Variants in LGMN observed in about 807,000 individuals in gnomAD.
LGMN encodes the protein asparaginyl endopeptidase.
Under a neutral mutation model 56.8 loss-of-function variants are expected in LGMN, and 36 were observed. The observed-to-expected ratio is 0.63, with a 90% confidence interval of 0.49 to 0.84. The LOEUF (loss-of-function observed/expected upper bound fraction) is 0.84, where lower values mean the gene tolerates loss of function less well. Ranked by LOEUF, LGMN falls within the 40% of genes least tolerant of loss-of-function variation. The pLI is 0.00. For missense variants in LGMN, 446 were observed against 556.1 expected (o/e 0.80, Z 1.99); for synonymous variants, 199 against 210.1 (o/e 0.95, Z 0.46).
chr14:92,710,793 C>T (rs1889724814), intron 10 of LGMN, among the ~76,000 whole-genome samples: 1 of 152,216 alleles, frequency 6.6e-6, no homozygotes, highest in African/African-American at 2.4e-5. Context: ...TCCGTGTCAC[C>T]TTTCCCTGGC....
intron 2 of LGMN, among the ~76,000 whole-genome samples, chr14:92,719,157 T>TGCCACCACC (rs1566923605): frequency 2.5e-5 from 1 of 39,700 alleles, no homozygotes; most frequent in Non-Finnish European, 6.2e-5. Context: ...CCACCGCCAC[T>TGCCACCACC]GCCACCACCA....
intron 12 of LGMN, 149 bp from the exon 13 acceptor site, chr14:92,704,856 G>A: frequency 3.0e-6 from 2 of 665,736 alleles, no homozygotes; most frequent in Non-Finnish European, 5.6e-6. Flanking sequence ...AGATAATCTG[G>A]TGATATTTAT....
rs1404889629 is a variant in LGMN at position 92,706,513 on chromosome 14, C to G, written c.1161G>C (p.Arg387=). ...GGGAGTGCCAGTTGAAGCAGTGGGT[C>G]CGGAAGTGCAGCAGGGCCTCTGGGT... ...SCYPEALLHF[R]THCFNWHSPT... is the part of the protein sequence containing the mutation. Residue 387 remains arginine, a synonymous_variant, in exon 12 of 14, where the codon CGG becomes CGC. Transcript: ENST00000334869. 1 of 1,580,572 alleles carries G rather than the reference C, an allele frequency of 6.3e-7. No homozygotes were observed. The highest frequency in any genetic ancestry group is 1.7e-5 in the Admixed American group (1 of 58,862).
intron 2 of LGMN, among the ~76,000 whole-genome samples, chr14:92,731,050 T>C (rs1891025348): frequency 6.6e-6 from 1 of 152,156 alleles, no homozygotes; most frequent in African/African-American, 2.4e-5. Context: ...TTGGCCTGGG[T>C]TTGAAAACTG....
rs200285673 is a variant in LGMN, at chr14:92,713,826, T to C, written c.540A>G (p.Arg180=). The C allele has an allele frequency of 6.2e-7, 1 of 1,611,722 alleles. No homozygotes were observed. Among genetic ancestry groups the C allele is most frequent in the South Asian group, 1.1e-5 (1 of 91,014 alleles). ...IHYMYKHKMY[R]KMVFYIEACE... is the part of the protein sequence containing the mutation. ...GCTGCCCCAAGGGCTGAATTACCTT[T>C]CGGTACATTTTGTGTTTGTACATGT... Residue 180 remains arginine (R), a synonymous_variant, in exon 7 of 14, where the codon CGA becomes CGG. Transcript: ENST00000334869.
intron 2 of LGMN, among the ~76,000 whole-genome samples, chr14:92,727,579 C>A (rs1284703586): frequency 6.6e-6 from 1 of 152,126 alleles, no homozygotes. Flanking sequence ...GCTGGCCACG[C>A]CCCTCACTGT....
intron 4 of LGMN, among the ~76,000 whole-genome samples, chr14:92,716,620 A>G (rs1890089972): frequency 6.6e-6 from 1 of 152,172 alleles, no homozygotes; most frequent in Non-Finnish European, 1.5e-5. Flanking sequence ...GTAACAGTGC[A>G]AGACTCCATC....
At chr14:92,738,773 C>T (rs887888881) in intron 1 of LGMN, among the ~76,000 whole-genome samples, 3 of 151,782 alleles carry the variant, frequency 2.0e-5, no homozygotes, top group Admixed American at 6.5e-5. Context: ...GTAATCCCAG[C>T]ACTTTGGGAG....
rs55843490 is a variant in LGMN at position 92,729,127 on chromosome 14, C to CTTT, written c.138+3519_138+3521dup. Among the ~76,000 whole-genome samples, 929 of 110,018 alleles carry CTTT rather than the reference C, an allele frequency of 8.4e-3. 3 individuals carry two copies. Among genetic ancestry groups the CTTT allele is most frequent in the South Asian group, 0.02 (70 of 3,536 alleles). 72.2% of individuals were successfully genotyped at this position (110,018 alleles called of 152,430 possible). ...GGCCACTTCCACCTGCTCAGCTTTT[C>CTTT]TTTTTTTTTTTTTTTTTTTTTGTTC... On this transcript the variant is annotated intron_variant, in intron 2 of 13. Coordinates refer to ENST00000334869, the MANE Select transcript of LGMN (RefSeq NM_005606.7).
chr14:92,726,114 G>C (rs1345266176), intron 2 of LGMN, among the ~76,000 whole-genome samples: 1 of 151,646 alleles, frequency 6.6e-6, no homozygotes, highest in Non-Finnish European at 1.5e-5. Context: ...GCAGGTGCCT[G>C]TAATCCCAGC....
chr14:92,725,152 C>T (rs559937285), intron 2 of LGMN, among the ~76,000 whole-genome samples: 15 of 152,350 alleles, frequency 9.8e-5, no homozygotes, highest in Non-Finnish European at 1.3e-4. Flanking sequence ...TTTACAAGGA[C>T]GGCCCTGCTG....
At chr14:92,732,914 G>A in intron 1 of LGMN, 99 bp from the exon 2 acceptor site, 1 of 878,814 alleles carries the variant, frequency 1.1e-6, no homozygotes, top group South Asian at 1.8e-5. Context: ...ACTTTGGGAG[G>A]CCGAGGAGGG....
chr14:92,711,373 T>C (rs1275317852), intron 10 of LGMN, among the ~76,000 whole-genome samples: 1 of 152,208 alleles, frequency 6.6e-6, no homozygotes, highest in Non-Finnish European at 1.5e-5. Flanking sequence ...CCCTCTTGCA[T>C]GCTCCTAGCT....
At chr14:92,748,119 A>T (rs1481211464) in intron 1 of LGMN, among the ~76,000 whole-genome samples, 2 of 152,124 alleles carry the variant, frequency 1.3e-5, no homozygotes, top group African/African-American at 4.8e-5. Flanking sequence ...AACTGTTCCT[A>T]GGTCGTAAAG....
At chr14:92,738,735 A>G (rs757891903) in intron 1 of LGMN, among the ~76,000 whole-genome samples, 16 of 150,942 alleles carry the variant, frequency 1.1e-4, no homozygotes, top group Non-Finnish European at 1.8e-4. Flanking sequence ...AAAACCACAT[A>G]CATGGCCGGG....
chr14:92,720,995 A>G (rs1212886324), intron 2 of LGMN, among the ~76,000 whole-genome samples: 1 of 151,726 alleles, frequency 6.6e-6, no homozygotes. Flanking sequence ...GGCTCAAGTG[A>G]TCCTCCCACC....
chr14:92,705,547 C>T (rs1053920362), intron 12 of LGMN, among the ~76,000 whole-genome samples: 1 of 151,988 alleles, frequency 6.6e-6, no homozygotes, highest in South Asian at 2.1e-4. Flanking sequence ...GGGGTAAAGT[C>T]GAGCTACCTT....
At chr14:92,745,540 C>A (rs1891778014) in intron 1 of LGMN, among the ~76,000 whole-genome samples, 1 of 152,186 alleles carries the variant, frequency 6.6e-6, no homozygotes, top group Non-Finnish European at 1.5e-5. Context: ...AAAGTTATCA[C>A]TATCCTAAAT....
rs183320757 is a variant in LGMN, at chr14:92,712,789, C to T, written c.610+16G>A. Reference sequence around the variant, plus strand: ...GCTTGCCAGCCCAGGTCGAGGCCGGCGCCCCAACCACCTACCATTGATGTT... The same window carrying T: ...GCTTGCCAGCCCAGGTCGAGGCCGGTGCCCCAACCACCTACCATTGATGTT... On this transcript the variant is annotated intron_variant, in intron 8 of 13. Transcript: ENST00000334869. 682 of 1,612,224 alleles carry T rather than the reference C, an allele frequency of 4.2e-4. 2 individuals are homozygous for T. The Middle Eastern group carries it at 4.6e-3, about 11-fold the overall frequency.
Sources: allele counts gnomAD v4.1 joint callset (sites outside exome capture counted in the v4.1 genomes callset), GRCh38; gene constraint gnomAD v4.1.1; transcripts MANE v1.5; gene names NCBI Gene and HGNC (gene_info 2026-07-23, HGNC 2026-07-21).